CAMK1D: variants seen among roughly 807,000 people sequenced by gnomAD.
CAMK1D encodes calcium/calmodulin dependent protein kinase ID, also known as calcium/calmodulin-dependent protein kinase type 1D.
In CAMK1D, 9 loss-of-function variants were observed where a neutral mutation model predicts 47.7. The ratio of observed to expected loss-of-function variants is 0.19; its 90% CI spans 0.11 to 0.33. The LOEUF (loss-of-function observed/expected upper bound fraction) is 0.33. Ranked by LOEUF, CAMK1D falls within the 10% of genes least tolerant of loss-of-function variation. CAMK1D has a pLI of 1.00. For missense variants in CAMK1D, 291 were observed against 488.7 expected (o/e 0.60, Z 3.81); for synonymous variants, 184 against 184.9 (o/e 0.99, Z 0.04).
rs201533530 is a variant in CAMK1D, at chr10:12,711,804, T to C, written c.299+44994T>C. On this transcript the variant is annotated intron_variant, in intron 3 of 10. Transcript: ENST00000619168. ...CAGAAACACCAGTGCTAGTCTAGAA[T>C]GAAGGCAACATTGACAGCAGTGATG... is the stretch of plus-strand genomic sequence containing the variant. 4.6e-5 allele frequency among the ~76,000 whole-genome samples: 7 copies of C among 152,228 alleles called. No homozygotes were observed. In the East Asian group the frequency reaches 1.3e-3, roughly 29 times the overall value.
chr10:12,557,573 A>G (rs1243190219), intron 2 of CAMK1D, among the ~76,000 whole-genome samples: 1 of 151,980 alleles, frequency 6.6e-6, no homozygotes, highest in African/African-American at 2.4e-5. Context: ...AAAAAAAAGA[A>G]AAAAGAAAAA....
intron 1 of CAMK1D, among the ~76,000 whole-genome samples, chr10:12,532,915 G>A (rs377694151): frequency 1.5e-5 from 2 of 133,030 alleles, no homozygotes; most frequent in East Asian, 4.9e-4. Flanking sequence ...CACGGAGATA[G>A]AGAGTAGAAG....
At chr10:12,521,229 C>G (rs1360742521) in intron 1 of CAMK1D, among the ~76,000 whole-genome samples, 1 of 151,956 alleles carries the variant, frequency 6.6e-6, no homozygotes, top group African/African-American at 2.4e-5. Context: ...GATTTTAGAT[C>G]TTTCTTATTT....
chr10:12,515,590 C>T (rs1201393275), intron 1 of CAMK1D, among the ~76,000 whole-genome samples: 1 of 81,992 alleles, frequency 1.2e-5, no homozygotes, highest in Non-Finnish European at 2.5e-5. Context: ...CACCACAGTC[C>T]CCAGAGTGTG....
At chr10:12,550,024 A>G (rs1373215586) in intron 1 of CAMK1D, among the ~76,000 whole-genome samples, 2 of 152,086 alleles carry the variant, frequency 1.3e-5, no homozygotes, top group African/African-American at 4.8e-5. Flanking sequence ...ATTTCTGATC[A>G]CAGGGATTCT....
At chr10:12,701,107 C>CTT (rs771965542) in intron 3 of CAMK1D, among the ~76,000 whole-genome samples, 48 of 138,656 alleles carry the variant, frequency 3.5e-4, no homozygotes, top group African/African-American at 9.2e-4. Context: ...ATAGATTCTT[C>CTT]TTTTTTTTTT....
chr10:12,814,078 T>C, intron 6 of CAMK1D, 117 bp from the exon 7 acceptor site: 1 of 682,156 alleles, frequency 1.5e-6, no homozygotes, highest in South Asian at 1.9e-5. Context: ...CGTGAGCCAC[T>C]GTGCCTTGCC....
At chr10:12,740,692 C>T (rs777591606) in intron 3 of CAMK1D, among the ~76,000 whole-genome samples, 1 of 152,182 alleles carries the variant, frequency 6.6e-6, no homozygotes, top group Non-Finnish European at 1.5e-5. Context: ...TTGAACAAGA[C>T]ACAAATAGCT....
At chr10:12,677,653 A>G (rs1034667391) in intron 3 of CAMK1D, among the ~76,000 whole-genome samples, 1 of 151,428 alleles carries the variant, frequency 6.6e-6, no homozygotes, top group African/African-American at 2.5e-5. Context: ...AGGTACCACT[A>G]GAAGGGTTAG....
intron 3 of CAMK1D, among the ~76,000 whole-genome samples, chr10:12,719,878 T>G (rs1834304404): frequency 6.6e-6 from 1 of 152,114 alleles, no homozygotes; most frequent in African/African-American, 2.4e-5. Flanking sequence ...CTGGGAAGTG[T>G]GGTTGAGAAG....
chr10:12,666,980 A>G (rs115105847), intron 3 of CAMK1D, 170 bp downstream of exon 3: 1 of 607,936 alleles, frequency 1.6e-6, no homozygotes, highest in Admixed American at 3.0e-5. Flanking sequence ...GGTGGGCTGC[A>G]CACAGGCGTC....
At chr10:12,366,931 T>C (rs886621781) in intron 1 of CAMK1D, among the ~76,000 whole-genome samples, 4 of 152,034 alleles carry the variant, frequency 2.6e-5, no homozygotes, top group Non-Finnish European at 5.9e-5. Context: ...AGACTTGAAG[T>C]TTGTCAGTAA....
At chr10:12,369,441 G>A (rs746116943) in intron 1 of CAMK1D, among the ~76,000 whole-genome samples, 1 of 152,168 alleles carries the variant, frequency 6.6e-6, no homozygotes, top group Non-Finnish European at 1.5e-5. Flanking sequence ...ACAGTTCAGT[G>A]TGACTGTGTA....
chr10:12,415,592 G>T (rs1428097219), intron 1 of CAMK1D, among the ~76,000 whole-genome samples: 3 of 151,244 alleles, frequency 2.0e-5, no homozygotes, highest in African/African-American at 4.9e-5. Context: ...GAGCCACCGT[G>T]CCTGGCCCCC....
At chr10:12,735,889 T>C (rs960460924) in intron 3 of CAMK1D, among the ~76,000 whole-genome samples, 5 of 151,950 alleles carry the variant, frequency 3.3e-5, no homozygotes, top group East Asian at 1.9e-4. Flanking sequence ...CACACTCAGA[T>C]TGCAAAGGAA....
At chr10:12,731,788 G>C (rs1421426405) in intron 3 of CAMK1D, among the ~76,000 whole-genome samples, 1 of 152,188 alleles carries the variant, frequency 6.6e-6, no homozygotes. Flanking sequence ...GTGTTAGAAG[G>C]AGTGGGCTGG....
chr10:12,462,161 T>G lies in CAMK1D; in HGVS notation c.93-91064T>G, dbSNP rs12252979. ...GAATTTCTGGCCTATGAAGAGTTTT[T>G]TTTTTTTTTTTTTTTTTTTTTTAGG... On this transcript the variant is annotated intron_variant, in intron 1 of 10. Coordinates refer to ENST00000619168, the MANE Select transcript of CAMK1D (RefSeq NM_153498.4). Among the ~76,000 whole-genome samples, 289 of 101,416 alleles carry G rather than the reference T, an allele frequency of 2.8e-3. 3 individuals are homozygous for G. The highest frequency in any genetic ancestry group is 4.9e-3 in the Middle Eastern group (1 of 204). The allele number at this position is 101,416 out of a possible 152,430, so 66.5% of individuals were successfully genotyped here. A position where few individuals can be genotyped will look rare whatever the true frequency, so the allele number is the denominator to read the frequency against.
intron 3 of CAMK1D, among the ~76,000 whole-genome samples, chr10:12,687,325 T>C (rs1409744547): frequency 6.6e-6 from 1 of 151,862 alleles, no homozygotes; most frequent in Non-Finnish European, 1.5e-5. Context: ...TTTAACACAA[T>C]GCCTCCTGCG....
rs1564594070 is a variant in CAMK1D, at chr10:12,827,462, T to TTTTCTTTCTTTCTTTCTTTC, written c.1040-1306_1040-1305insTTCTTTCTTTCTTTCTTTCT. ...TTCTTTCTTTCTTTCTTTTCTTTCT[T>TTTTCTTTCTTTCTTTCTTTC]TGTCTGTCTGTCTTTCTTTCTTTCT... On this transcript the variant is annotated intron_variant, in intron 10 of 10. Transcript: ENST00000619168. Among the ~76,000 whole-genome samples the TTTTCTTTCTTTCTTTCTTTC allele has an allele frequency of 6.6e-4, 8 of 12,148 alleles. 2 individuals are homozygous for TTTTCTTTCTTTCTTTCTTTC. The highest frequency in any genetic ancestry group is 1.5e-3 in the African/African-American group (8 of 5,282). 8.0% of individuals were successfully genotyped at this position (12,148 alleles called of 152,430 possible). A position where few individuals can be genotyped will look rare whatever the true frequency, so the allele number is the denominator to read the frequency against.
Sources: gnomAD v4.1 joint callset for allele counts (sites outside exome capture counted in the v4.1 genomes callset) on GRCh38, gnomAD v4.1.1 for gene constraint, MANE v1.5 for transcripts, NCBI Gene and HGNC (gene_info 2026-07-23, HGNC 2026-07-21) for gene names.